SRGAP1: variants seen among roughly 807,000 people sequenced by gnomAD.
The protein encoded by SRGAP1 is SLIT-ROBO Rho GTPase-activating protein 1.
In SRGAP1, 43 loss-of-function variants were observed where a neutral mutation model predicts 121.9. The observed-to-expected ratio is 0.35, with a 90% confidence interval of 0.28 to 0.46. The LOEUF is 0.46. Among genes scored for constraint, SRGAP1 ranks in the 20% least tolerant of loss-of-function variants. SRGAP1 has a pLI of 1.00. For synonymous variants in SRGAP1, 447 were observed against 485.4 expected, an observed-to-expected ratio of 0.92 and a Z score of 1.04; for missense variants, 1,102 against 1,350.9, an observed-to-expected ratio of 0.82 and a Z score of 2.89.
intron 3 of SRGAP1, among the ~76,000 whole-genome samples, chr12:63,993,387 A>G (rs575756221): frequency 2.6e-5 from 4 of 152,260 alleles, no homozygotes; most frequent in East Asian, 3.9e-4. Context: ...CTCTTCTTCC[A>G]TTGTTATGGT....
chr12:64,052,423 TG>T (rs1329728027), intron 6 of SRGAP1, among the ~76,000 whole-genome samples: 2 of 151,864 alleles, frequency 1.3e-5, no homozygotes, highest in African/African-American at 4.8e-5. Context: ...GGCGTGGTGG[TG>T]GGTGCCTATA....
In SRGAP1 at chr12:64,142,641, A is replaced by C. The variant is rs1054595807; in HGVS notation, c.3227A>C (p.Gln1076Pro). Residue 1076 changes from glutamine to proline, a missense_variant, in exon 22 of 22, where the codon CAG becomes CCG. Around this residue, in one of 3 missense-constraint regions of SRGAP1, gnomAD observed 315 missense variants for 343.1 expected, o/e 0.92. Transcript: ENST00000355086. ...NPTIGPAPPP[Q>P]GPTDKSCTM ...ACCATAGGACCTGCCCCACCTCCCC[A>C]GGGTCCAACAGACAAGTCATGCACA... 13 of 1,614,002 alleles carry C rather than the reference A, an allele frequency of 8.1e-6. No homozygotes were observed. Among genetic ancestry groups the C allele is most frequent in the Non-Finnish European group, 1.1e-5 (13 of 1,180,012 alleles).
intron 1 of SRGAP1, among the ~76,000 whole-genome samples, chr12:63,857,448 C>T (rs1178300563): frequency 6.6e-6 from 1 of 151,542 alleles, no homozygotes; most frequent in Non-Finnish European, 1.5e-5. Flanking sequence ...GTGGCATGGT[C>T]TCGGCTCACT....
chr12:63,951,716 T>G (rs2032303998), intron 1 of SRGAP1, among the ~76,000 whole-genome samples: 1 of 152,220 alleles, frequency 6.6e-6, no homozygotes, highest in Admixed American at 6.5e-5. Context: ...TTTTTTAGAC[T>G]GACTTGTAGA....
At chr12:63,885,346 A>T (rs1235841951) in intron 1 of SRGAP1, among the ~76,000 whole-genome samples, 1 of 152,202 alleles carries the variant, frequency 6.6e-6, no homozygotes, top group Non-Finnish European at 1.5e-5. Context: ...ACAGATGAAG[A>T]GATGCCAAGG....
chr12:64,116,666 G>A (rs889086210), intron 18 of SRGAP1, among the ~76,000 whole-genome samples: 2 of 151,984 alleles, frequency 1.3e-5, no homozygotes, highest in Non-Finnish European at 2.9e-5. Flanking sequence ...TTTTCTACTC[G>A]TTGCTATTAA....
At chr12:63,872,734 C>T (rs974645216) in intron 1 of SRGAP1, among the ~76,000 whole-genome samples, 7 of 152,062 alleles carry the variant, frequency 4.6e-5, no homozygotes, top group South Asian at 2.1e-4. Flanking sequence ...TTATAGTAGT[C>T]GCTCAGGCAG....
chr12:64,103,807 G>C (rs1040618439), intron 15 of SRGAP1, among the ~76,000 whole-genome samples: 1 of 152,162 alleles, frequency 6.6e-6, no homozygotes, highest in African/African-American at 2.4e-5. Flanking sequence ...CTATAGTGCT[G>C]TTATTTAGGA....
At chr12:64,095,060 C>T (rs1331969407) in intron 13 of SRGAP1, 67 bp from the exon 14 acceptor site, 3 of 1,609,042 alleles carry the variant, frequency 1.9e-6, no homozygotes, top group Non-Finnish European at 2.6e-6. Context: ...AAATTTACTT[C>T]CTGGGAAAAG....
At chr12:63,977,443 T>C (rs1201548167) in intron 1 of SRGAP1, among the ~76,000 whole-genome samples, 1 of 152,228 alleles carries the variant, frequency 6.6e-6, no homozygotes, top group African/African-American at 2.4e-5. Flanking sequence ...GTATCAATTT[T>C]ATGTCCTGGT....
At chr12:64,121,397 A>G (rs541833715) in intron 18 of SRGAP1, among the ~76,000 whole-genome samples, 1 of 152,128 alleles carries the variant, frequency 6.6e-6, no homozygotes, top group East Asian at 1.9e-4. Context: ...TATTTCTAAA[A>G]TGTTGCTCTT....
intron 1 of SRGAP1, among the ~76,000 whole-genome samples, chr12:63,974,293 A>C (rs1401897793): frequency 6.6e-6 from 1 of 152,188 alleles, no homozygotes; most frequent in East Asian, 1.9e-4. Context: ...TGTAGGCCAA[A>C]ATATAATATT....
At chr12:63,887,406 C>G (rs529740403) in intron 1 of SRGAP1, 40 of 152,296 alleles carry the variant, frequency 2.6e-4, no homozygotes, top group African/African-American at 7.5e-4. Flanking sequence ...GCTATCTGAG[C>G]CCTCTGGCCA....
intron 4 of SRGAP1, among the ~76,000 whole-genome samples, chr12:64,033,857 T>C (rs2034838983): frequency 6.6e-6 from 1 of 151,990 alleles, no homozygotes; most frequent in Non-Finnish European, 1.5e-5. Flanking sequence ...CCATCTCTAC[T>C]AAAAATACAA....
chr12:64,018,490 C>T (rs2034465916), intron 4 of SRGAP1, among the ~76,000 whole-genome samples: 1 of 152,094 alleles, frequency 6.6e-6, no homozygotes, highest in Non-Finnish European at 1.5e-5. Flanking sequence ...GTGTAAAATA[C>T]AGTTTTGTAA....
chr12:63,946,293 CTTTTTTTTTT>C (rs77103965), intron 1 of SRGAP1, among the ~76,000 whole-genome samples: 1 of 136,740 alleles, frequency 7.3e-6, no homozygotes, highest in African/African-American at 2.7e-5. Context: ...CTTTTTTTTT[CTTTTTTTTTT>C]TTTACAGTTT....
chr12:64,002,429 G>A lies in SRGAP1; in HGVS notation c.426+12357G>A, dbSNP rs564998896. 4.6e-5 allele frequency among the ~76,000 whole-genome samples: 7 copies of A among 152,336 alleles called. No individual in the cohort carries two copies. In the South Asian group the frequency reaches 1.4e-3, roughly 32 times the overall value. ...CCTCAGATGTGGACACAGTCATAAG[G>A]AGTGTTTAGTAGATTAGAATAACTA... On this transcript the variant is annotated intron_variant, in intron 3 of 21. Coordinates refer to ENST00000355086, the MANE Select transcript of SRGAP1 (RefSeq NM_020762.4).
intron 1 of SRGAP1, among the ~76,000 whole-genome samples, chr12:63,955,954 C>G (rs891670536): frequency 6.6e-6 from 1 of 152,148 alleles, no homozygotes; most frequent in Non-Finnish European, 1.5e-5. Flanking sequence ...CAAAAGGCTC[C>G]GTCCGAAAGT....
At chr12:63,884,230 C>T (rs1247835937) in intron 1 of SRGAP1, among the ~76,000 whole-genome samples, 2 of 151,944 alleles carry the variant, frequency 1.3e-5, no homozygotes, top group Non-Finnish European at 2.9e-5. Flanking sequence ...TTGTAGTGAG[C>T]CGAGATCATG....
Sources: allele counts gnomAD v4.1 joint callset (sites outside exome capture counted in the v4.1 genomes callset), GRCh38; gene constraint gnomAD v4.1.1; regional missense constraint gnomAD v4.1.1; transcripts MANE v1.5; gene names NCBI Gene and HGNC (gene_info 2026-07-23, HGNC 2026-07-21).